The following TEAD1 variants were observed in gnomAD, a reference collection of about 807,000 sequenced individuals.
TEAD1 encodes the protein TEA domain transcription factor 1.
A neutral mutation model predicts 54.9 loss-of-function variants in TEAD1; 9 were observed. That is an observed-to-expected ratio of 0.16 (90% CI 0.10 to 0.29). The LOEUF is 0.29. Ranked by LOEUF, TEAD1 falls within the 10% of genes least tolerant of loss-of-function variation. The probability of loss-of-function intolerance (pLI) is 1.00; values close to 1 mark genes in which losing one functional copy is unlikely to be tolerated. For missense variants in TEAD1, 387 were observed against 535.9 expected (o/e 0.72, Z 2.74); for synonymous variants, 200 against 187.8 (o/e 1.07, Z -0.53).
At chr11:12,706,041 G>A (rs867376379) in intron 2 of TEAD1, among the ~76,000 whole-genome samples, 4 of 152,244 alleles carry the variant, frequency 2.6e-5, no homozygotes, top group South Asian at 2.1e-4. Flanking sequence ...TGCTTACAAG[G>A]GCTGTTAGAG....
intron 3 of TEAD1, among the ~76,000 whole-genome samples, chr11:12,829,481 T>G (rs2134015265): frequency 6.6e-6 from 1 of 152,238 alleles, no homozygotes; most frequent in East Asian, 1.9e-4. Context: ...AAAACATTGC[T>G]TACCCTAATG....
chr11:12,749,454 G>A (rs1356439946), intron 2 of TEAD1, among the ~76,000 whole-genome samples: 3 of 152,104 alleles, frequency 2.0e-5, no homozygotes, highest in Non-Finnish European at 4.4e-5. Flanking sequence ...TGTGTGTGCT[G>A]GGGACCCGTA....
At chr11:12,798,463 T>G (rs184738134) in intron 3 of TEAD1, among the ~76,000 whole-genome samples, 9 of 152,346 alleles carry the variant, frequency 5.9e-5, no homozygotes, top group Non-Finnish European at 1.2e-4. Context: ...GCTCCATTGG[T>G]GTTAAACTGC....
intron 3 of TEAD1, among the ~76,000 whole-genome samples, chr11:12,766,783 G>C (rs1945215903): frequency 6.6e-6 from 1 of 152,190 alleles, no homozygotes; most frequent in South Asian, 2.1e-4. Flanking sequence ...CAGTCCTTTT[G>C]AGCAAGCAGC....
chr11:12,821,883 C>T (rs1349796206), intron 3 of TEAD1, among the ~76,000 whole-genome samples: 3 of 151,364 alleles, frequency 2.0e-5, no homozygotes, highest in Non-Finnish European at 4.4e-5. Context: ...CGCTGTCTGC[C>T]TCCCCTCTGC....
intron 10 of TEAD1, among the ~76,000 whole-genome samples, chr11:12,916,008 G>A (rs1948705974): frequency 6.6e-6 from 1 of 152,162 alleles, no homozygotes; most frequent in East Asian, 1.9e-4. Context: ...TTGATGGGGT[G>A]TATTTTTGTT....
At chr11:12,767,390 C>T (rs1369743670) in intron 3 of TEAD1, among the ~76,000 whole-genome samples, 8 of 152,122 alleles carry the variant, frequency 5.3e-5, no homozygotes, top group Non-Finnish European at 1.0e-4. Context: ...AAAATAAAAA[C>T]GGTTTAGTCT....
intron 3 of TEAD1, among the ~76,000 whole-genome samples, chr11:12,838,039 T>A (rs1241864370): frequency 6.6e-6 from 1 of 152,082 alleles, no homozygotes; most frequent in Non-Finnish European, 1.5e-5. Flanking sequence ...TCAGATGATC[T>A]GCCCTCCTGG....
intron 2 of TEAD1, among the ~76,000 whole-genome samples, chr11:12,762,339 CTAGAG>C (rs1216397036): frequency 2.0e-5 from 3 of 151,230 alleles, no homozygotes; most frequent in African/African-American, 4.8e-5. Context: ...AGAACAGACT[CTAGAG>C]TATAGTTCAG....
rs1251844144 is a variant in TEAD1 at position 12,840,258 on chromosome 11, AAAAAG to A, written c.203-21987_203-21983del. Among the ~76,000 whole-genome samples the A allele has an allele frequency of 1.5e-3, 28 of 19,102 alleles. 1 individual carries two copies. Among genetic ancestry groups the A allele is most frequent in the Middle Eastern group, 0.036 (1 of 28 alleles). 12.5% of individuals were successfully genotyped at this position (19,102 alleles called of 152,430 possible). On this transcript the variant is annotated intron_variant, in intron 3 of 12. Transcript: ENST00000527636. ...CGAGACTCTGCCTCAAAAAAAAAAA[AAAAAG>A]AAAAAAAAAAGACCAGAAACGAAAT...
intron 3 of TEAD1, among the ~76,000 whole-genome samples, chr11:12,842,092 A>G (rs1947053237): frequency 6.6e-6 from 1 of 152,204 alleles, no homozygotes; most frequent in African/African-American, 2.4e-5. Context: ...AAAACAAAAC[A>G]GGCAAATGTG....
intron 11 of TEAD1, among the ~76,000 whole-genome samples, chr11:12,927,667 T>G (rs1274621399): frequency 6.6e-6 from 1 of 152,200 alleles, no homozygotes; most frequent in African/African-American, 2.4e-5. Context: ...TAATCAAGAA[T>G]GTATTTGCAT....
intron 3 of TEAD1, among the ~76,000 whole-genome samples, chr11:12,812,230 C>G (rs1286911805): frequency 2.6e-5 from 4 of 152,228 alleles, no homozygotes; most frequent in East Asian, 3.9e-4. Context: ...GGAAATGACC[C>G]TCTTGCCACC....
intron 5 of TEAD1, chr11:12,865,668 TGGG>T (rs950489068): frequency 1.8e-4 from 28 of 152,126 alleles, no homozygotes; most frequent in African/African-American, 6.0e-4. Context: ...ATAGGAAAAA[TGGG>T]GGCATTGATA....
chr11:12,803,792 A>C (rs918525138), intron 3 of TEAD1, among the ~76,000 whole-genome samples: 1 of 152,150 alleles, frequency 6.6e-6, no homozygotes, highest in African/African-American at 2.4e-5. Flanking sequence ...AGGCCCTATT[A>C]AGTATTTTAA....
chr11:12,774,145 C>G (rs1945369688), intron 3 of TEAD1, among the ~76,000 whole-genome samples: 1 of 152,090 alleles, frequency 6.6e-6, no homozygotes, highest in Admixed American at 6.5e-5. Flanking sequence ...GGAGAGGAGG[C>G]AGGACAGGAG....
chr11:12,825,536 A>G (rs1946634580), intron 3 of TEAD1, among the ~76,000 whole-genome samples: 1 of 152,254 alleles, frequency 6.6e-6, no homozygotes, highest in South Asian at 2.1e-4. Flanking sequence ...AATGAGAGTT[A>G]TCCCATGTTC....
chr11:12,771,566 T>G (rs1945311731), intron 3 of TEAD1, among the ~76,000 whole-genome samples: 1 of 151,826 alleles, frequency 6.6e-6, no homozygotes, highest in Admixed American at 6.6e-5. Flanking sequence ...AGATGGGGAG[T>G]GGAGGCAGGA....
At chr11:12,924,510 A>G (rs1478554543) in intron 10 of TEAD1, among the ~76,000 whole-genome samples, 3 of 152,184 alleles carry the variant, frequency 2.0e-5, no homozygotes, top group Admixed American at 6.5e-5. Flanking sequence ...CTGTTTGTAC[A>G]TATATGACAA....
Sources: allele counts gnomAD v4.1 joint callset (sites outside exome capture counted in the v4.1 genomes callset), GRCh38; gene constraint gnomAD v4.1.1; transcripts MANE v1.5; gene names NCBI Gene and HGNC (gene_info 2026-07-23, HGNC 2026-07-21).